The following SOX6 variants were observed in gnomAD, a reference collection of about 807,000 sequenced individuals.
SOX6 encodes the protein SRY-box transcription factor 6.
SOX6 carries 11 observed loss-of-function variants against 97.8 expected under a neutral mutation model. That is an observed-to-expected ratio of 0.11 (90% CI 0.07 to 0.19). The LOEUF is 0.19. Among genes scored for constraint, SOX6 ranks in the 10% least tolerant of loss-of-function variants. SOX6 has a pLI of 1.00. For synonymous variants in SOX6, 360 were observed against 371.4 expected (o/e 0.97, Z 0.35); for missense variants, 810 against 1,039.5 (o/e 0.78, Z 3.04).
At chr11:16,007,520 C>T (rs771207494) in intron 13 of SOX6, among the ~76,000 whole-genome samples, 2 of 152,054 alleles carry the variant, frequency 1.3e-5, no homozygotes, top group Non-Finnish European at 2.9e-5. Flanking sequence ...GTTAGAAACA[C>T]AGTTATCAGA....
At chr11:16,471,862 G>C (rs553040522) in intron 1 of SOX6, among the ~76,000 whole-genome samples, 1 of 152,320 alleles carries the variant, frequency 6.6e-6, no homozygotes, top group African/African-American at 2.4e-5. Context: ...ACAAGCATAT[G>C]TAAATTCTCA....
intron 4 of SOX6, among the ~76,000 whole-genome samples, chr11:16,557,570 G>A (rs1847763799): frequency 6.6e-6 from 1 of 151,738 alleles, no homozygotes; most frequent in African/African-American, 2.4e-5. Flanking sequence ...AAAATTCCAT[G>A]ACTCTTTTGT....
chr11:16,734,760 T>C (rs937097134), intron 2 of SOX6, among the ~76,000 whole-genome samples: 4 of 152,184 alleles, frequency 2.6e-5, no homozygotes, highest in African/African-American at 9.7e-5. Flanking sequence ...CAAATATCTA[T>C]TGAGTGATAG....
intron 3 of SOX6, among the ~76,000 whole-genome samples, chr11:16,622,288 T>A (rs994031176): frequency 6.6e-6 from 1 of 152,214 alleles, no homozygotes; most frequent in Non-Finnish European, 1.5e-5. Flanking sequence ...TTTATTTCAA[T>A]AGGTTTTTGG....
At chr11:16,652,728 A>T (rs1436750653) in intron 3 of SOX6, among the ~76,000 whole-genome samples, 1 of 151,524 alleles carries the variant, frequency 6.6e-6, no homozygotes, top group East Asian at 2.0e-4. Flanking sequence ...CCAAGAACCC[A>T]AAAGCAAATG....
intron 2 of SOX6, among the ~76,000 whole-genome samples, chr11:16,335,944 A>T (rs1565098179): frequency 6.6e-6 from 1 of 152,218 alleles, no homozygotes; most frequent in Non-Finnish European, 1.5e-5. Flanking sequence ...GGCATTATTG[A>T]CATCTTTTAT....
chr11:16,479,922 A>G (rs1360351921), upstream of SOX6, among the ~76,000 whole-genome samples: 1 of 152,148 alleles, frequency 6.6e-6, no homozygotes, highest in African/African-American at 2.4e-5. Context: ...TGTTCACTAC[A>G]GTTTTTTATA....
chr11:16,474,271 C>A (rs1308411427), intron 1 of SOX6, among the ~76,000 whole-genome samples: 1 of 152,080 alleles, frequency 6.6e-6, no homozygotes, highest in Non-Finnish European at 1.5e-5. Flanking sequence ...CTTAATATTG[C>A]TATTTTTACT....
At chr11:16,147,062 A>T (rs1564982479) in intron 6 of SOX6, among the ~76,000 whole-genome samples, 1 of 152,236 alleles carries the variant, frequency 6.6e-6, no homozygotes, top group South Asian at 2.1e-4. Context: ...ACGTATGTTC[A>T]TTGTGGCACT....
Position 16,024,293 on chromosome 11 carries a change from G to A in SOX6, c.1624-9243C>T, listed in dbSNP as rs74382013. 9.2e-5 allele frequency among the ~76,000 whole-genome samples: 14 copies of A among 152,114 alleles called. 1 individual carries two copies. In the East Asian group the frequency reaches 2.7e-3, roughly 29 times the overall value. On this transcript the variant is annotated intron_variant, in intron 12 of 15. Coordinates refer to ENST00000683767, the MANE Select transcript of SOX6 (RefSeq NM_001367873.1). ...AAATGAATTTCTGTTGTTTAAGTCC[G>A]CTGTCTCTGGTAGTTTATTACGGCA...
At chr11:16,694,705 G>A (rs906515661) in intron 3 of SOX6, among the ~76,000 whole-genome samples, 3 of 152,002 alleles carry the variant, frequency 2.0e-5, no homozygotes, top group African/African-American at 7.3e-5. Context: ...AAAATGGATG[G>A]ACAAACATAC....
intron 4 of SOX6, among the ~76,000 whole-genome samples, chr11:16,601,643 CT>C (rs1160974266): frequency 2.2e-4 from 33 of 152,018 alleles, no homozygotes; most frequent in Non-Finnish European, 5.9e-5. Flanking sequence ...TGTATATTAT[CT>C]TTTTCAAAAG....
At chr11:16,522,300 C>T (rs188368367) in intron 4 of SOX6, among the ~76,000 whole-genome samples, 1 of 152,014 alleles carries the variant, frequency 6.6e-6, no homozygotes, top group Non-Finnish European at 1.5e-5. Flanking sequence ...AACTCTACAA[C>T]CCAGAAGACA....
chr11:16,056,524 T>C (rs1232747608), intron 9 of SOX6, among the ~76,000 whole-genome samples: 1 of 152,150 alleles, frequency 6.6e-6, no homozygotes, highest in African/African-American at 2.4e-5. Context: ...TTTGTTGTTT[T>C]TTAAGTCAAG....
chr11:16,572,445 C>G (rs1166515070), intron 4 of SOX6, among the ~76,000 whole-genome samples: 1 of 152,034 alleles, frequency 6.6e-6, no homozygotes, highest in Admixed American at 6.6e-5. Context: ...AAACAGAAAA[C>G]CTATACAGAC....
intron 3 of SOX6, among the ~76,000 whole-genome samples, chr11:16,676,996 C>T (rs1325419450): frequency 2.0e-5 from 3 of 152,050 alleles, no homozygotes; most frequent in Non-Finnish European, 4.4e-5. Flanking sequence ...CTTTCCCCAG[C>T]CTTTCTTCCT....
At chr11:16,384,647 T>C (rs1857923784) in intron 1 of SOX6, among the ~76,000 whole-genome samples, 1 of 151,924 alleles carries the variant, frequency 6.6e-6, no homozygotes, top group Non-Finnish European at 1.5e-5. Flanking sequence ...CTGATAAAAT[T>C]GAGAAATTTC....
At chr11:16,456,957 G>T (rs941350540) in intron 1 of SOX6, among the ~76,000 whole-genome samples, 9 of 151,942 alleles carry the variant, frequency 5.9e-5, no homozygotes, top group Admixed American at 6.6e-5. Context: ...AAAATCAAAG[G>T]TTTTTAAACT....
At chr11:16,683,905 T>C (rs1590050999) in intron 3 of SOX6, among the ~76,000 whole-genome samples, 1 of 151,418 alleles carries the variant, frequency 6.6e-6, no homozygotes, top group Non-Finnish European at 1.5e-5. Flanking sequence ...AACAAACAAC[T>C]CCATCAAAAA....
Sources: allele counts gnomAD v4.1 joint callset (sites outside exome capture counted in the v4.1 genomes callset), GRCh38; gene constraint gnomAD v4.1.1; transcripts MANE v1.5; gene names NCBI Gene and HGNC (gene_info 2026-07-23, HGNC 2026-07-21).